CNTN5: variants seen among roughly 807,000 people sequenced by gnomAD.
CNTN5 encodes the protein contactin-5.
Under a neutral mutation model 129.1 loss-of-function variants are expected in CNTN5, and 77 were observed. The ratio of observed to expected loss-of-function variants is 0.60; its 90% CI spans 0.50 to 0.72. The LOEUF is 0.72. CNTN5 is among the 30% of genes least tolerant of loss of function. CNTN5 has a pLI of 0.00. For missense variants in CNTN5, 1,478 were observed against 1,328.8 expected (o/e 1.11, Z -1.75); for synonymous variants, 509 against 465.6 (o/e 1.09, Z -1.20).
intron 14 of CNTN5, among the ~76,000 whole-genome samples, chr11:100,193,159 G>A (rs1352716328): frequency 6.6e-6 from 1 of 151,810 alleles, no homozygotes; most frequent in East Asian, 1.9e-4. Context: ...CTTGAAAGTG[G>A]TCAGAGAGGC....
rs76405903 is a variant in CNTN5 at position 99,725,629 on chromosome 11, A to G, written c.56-93915A>G. On this transcript the variant is annotated intron_variant, in intron 3 of 24. Coordinates refer to ENST00000524871, the MANE Select transcript of CNTN5 (RefSeq NM_014361.4). ...GTGTTAAAAACTAAATATGTTTAGT[A>G]AATCTAAATTCATTACTTCAAAAAA... Among the ~76,000 whole-genome samples the G allele has an allele frequency of 6.3e-3, 956 of 152,308 alleles. 11 individuals are homozygous for G. The highest frequency in any genetic ancestry group is 0.021 in the African/African-American group (886 of 41,568).
intron 3 of CNTN5, among the ~76,000 whole-genome samples, chr11:99,623,896 CTG>C (rs1156644729): frequency 6.6e-6 from 1 of 152,072 alleles, no homozygotes; most frequent in African/African-American, 2.4e-5. Context: ...ATTTAAATAA[CTG>C]TAGTTCTCAT....
chr11:99,924,511 G>A (rs1382692166), intron 7 of CNTN5, among the ~76,000 whole-genome samples: 1 of 145,418 alleles, frequency 6.9e-6, no homozygotes, highest in Non-Finnish European at 1.5e-5. Flanking sequence ...TTTCCCTATT[G>A]TTTATTTTTG....
chr11:99,176,566 C>G (rs551791864), intron 1 of CNTN5, among the ~76,000 whole-genome samples: 2 of 152,182 alleles, frequency 1.3e-5, no homozygotes, highest in African/African-American at 4.8e-5. Flanking sequence ...CTCCACATGT[C>G]CAGTTGAGAG....
intron 3 of CNTN5, among the ~76,000 whole-genome samples, chr11:99,570,286 A>G (rs1336144646): frequency 6.6e-6 from 1 of 152,184 alleles, no homozygotes; most frequent in East Asian, 1.9e-4. Context: ...AACTATTTCA[A>G]CCTGGCCCCA....
At chr11:99,375,992 GA>G (rs556157192) in intron 2 of CNTN5, among the ~76,000 whole-genome samples, 1 of 152,070 alleles carries the variant, frequency 6.6e-6, no homozygotes, top group South Asian at 2.1e-4. Context: ...ATTTGAGTTG[GA>G]AAAAAATAAC....
At position 99,033,841 on chromosome 11, in the gene CNTN5, T is replaced by C. The variant is rs746372410; in HGVS notation, c.-210+12571T>C. 3.3e-3 allele frequency among the ~76,000 whole-genome samples: 494 copies of C among 151,992 alleles called. 1 individual carries two copies. The highest frequency in any genetic ancestry group is 4.7e-3 in the Non-Finnish European group (322 of 67,972). On this transcript the variant is annotated intron_variant, in intron 1 of 24. Coordinates refer to ENST00000524871, the MANE Select transcript of CNTN5 (RefSeq NM_014361.4). ...GTGGTGAGAGAGGGCATCCCTGTCT[T>C]GTGCCAGTTTTCAAAGGGAATGCTT...
At chr11:99,881,616 A>G (rs1948774283) in intron 6 of CNTN5, among the ~76,000 whole-genome samples, 1 of 152,200 alleles carries the variant, frequency 6.6e-6, no homozygotes, top group Non-Finnish European at 1.5e-5. Flanking sequence ...CAGGTAGTAT[A>G]TAGTGATAAC....
intron 13 of CNTN5, among the ~76,000 whole-genome samples, chr11:100,108,314 A>G (rs941453061): frequency 7.9e-5 from 12 of 152,140 alleles, no homozygotes; most frequent in African/African-American, 2.9e-4. Flanking sequence ...CAAAAACATC[A>G]TTGGACCAAC....
chr11:99,864,054 T>A (rs554200454), intron 6 of CNTN5, among the ~76,000 whole-genome samples: 1 of 152,320 alleles, frequency 6.6e-6, no homozygotes, highest in South Asian at 2.1e-4. Context: ...GGATCCGGAC[T>A]TCGCTCACGG....
intron 16 of CNTN5, among the ~76,000 whole-genome samples, chr11:100,225,873 A>G (rs960151425): frequency 4.6e-5 from 7 of 152,060 alleles, no homozygotes; most frequent in African/African-American, 1.7e-4. Flanking sequence ...AACAGTAAAC[A>G]TAAGGCATAG....
At chr11:100,002,476 A>T (rs1473010444) in intron 9 of CNTN5, among the ~76,000 whole-genome samples, 1 of 152,186 alleles carries the variant, frequency 6.6e-6, no homozygotes, top group African/African-American at 2.4e-5. Context: ...TAGAAAGGCA[A>T]AGTACTATCT....
chr11:100,024,744 T>G (rs1419546233), intron 9 of CNTN5, among the ~76,000 whole-genome samples: 1 of 152,176 alleles, frequency 6.6e-6, no homozygotes, highest in African/African-American at 2.4e-5. Flanking sequence ...CTGTGGAACT[T>G]TGAACCTGAG....
chr11:99,198,501 G>T (rs1434917006), intron 1 of CNTN5, among the ~76,000 whole-genome samples: 2 of 152,000 alleles, frequency 1.3e-5, no homozygotes, highest in African/African-American at 4.8e-5. Context: ...ATGGTTATGG[G>T]TGCTCTAACC....
chr11:100,229,998 A>G (rs1181550265), intron 16 of CNTN5, among the ~76,000 whole-genome samples: 1 of 152,206 alleles, frequency 6.6e-6, no homozygotes, highest in Non-Finnish European at 1.5e-5. Context: ...GTTATGAAAA[A>G]CAAAGCTTGT....
chr11:99,125,964 T>C (rs1405242726), intron 1 of CNTN5, among the ~76,000 whole-genome samples: 2 of 152,076 alleles, frequency 1.3e-5, no homozygotes, highest in African/African-American at 4.8e-5. Context: ...TGTTCAGAAA[T>C]TGTATTCTGC....
chr11:99,188,743 C>CA (rs201171411), intron 1 of CNTN5, among the ~76,000 whole-genome samples: 1 of 151,070 alleles, frequency 6.6e-6, no homozygotes, highest in East Asian at 1.9e-4. Context: ...GTTTAATTGA[C>CA]AAAAAAAATT....
At chr11:99,492,025 A>ATTTTTT (rs1946055888) in intron 2 of CNTN5, among the ~76,000 whole-genome samples, 2 of 152,206 alleles carry the variant, frequency 1.3e-5, no homozygotes, top group South Asian at 2.1e-4. Flanking sequence ...TTGAAGGCTC[A>ATTTTTT]TTTTTAGTAT....
intron 3 of CNTN5, chr11:99,558,290 C>A (rs1229479719): frequency 2.4e-6 from 1 of 423,958 alleles, no homozygotes; most frequent in South Asian, 1.7e-5. Flanking sequence ...ACTTATAAGC[C>A]AACTGAAGGA....
Sources: allele counts gnomAD v4.1 joint callset (sites outside exome capture counted in the v4.1 genomes callset), GRCh38; gene constraint gnomAD v4.1.1; transcripts MANE v1.5; gene names NCBI Gene and HGNC (gene_info 2026-07-23, HGNC 2026-07-21).